The following BMAL1 variants were observed in gnomAD, a reference collection of about 807,000 sequenced individuals.
BMAL1 encodes the protein basic helix-loop-helix ARNT like 1.
At chr11:13,352,550 C>T in the BMAL1 span, among the ~76,000 whole-genome samples, 2 of 152,274 alleles carry the variant, frequency 1.3e-5, no homozygotes, top group African/African-American at 2.4e-5. Flanking sequence ...AAATTATTGT[C>T]GCTTTTCTGG....
chr11:13,348,853 CT>C, the BMAL1 span, among the ~76,000 whole-genome samples: 1 of 152,204 alleles, frequency 6.6e-6, no homozygotes, highest in African/African-American at 2.4e-5. Context: ...ATTTGGAGAT[CT>C]CTATAGCGAT....
chr11:13,376,004 CT>C, the BMAL1 span, among the ~76,000 whole-genome samples: 1 of 152,218 alleles, frequency 6.6e-6, no homozygotes, highest in Non-Finnish European at 1.5e-5. Context: ...GCAACATTTC[CT>C]TCCAGATAAA....
the BMAL1 span, chr11:13,350,121 T>TA: frequency 1.3e-5 from 2 of 152,330 alleles, no homozygotes; most frequent in South Asian, 4.1e-4. Flanking sequence ...TGATTCTTGG[T>TA]AGCTTGCATG....
the BMAL1 span, among the ~76,000 whole-genome samples, chr11:13,315,064 G>T: frequency 6.6e-6 from 1 of 152,168 alleles, no homozygotes; most frequent in African/African-American, 2.4e-5. Context: ...CAAGAGTGCA[G>T]CTTTTATTTG....
At chr11:13,356,702 T>C in the BMAL1 span, 3 of 1,613,082 alleles carry the variant, frequency 1.9e-6, no homozygotes, top group Non-Finnish European at 2.5e-6. Flanking sequence ...TGTATGTCTT[T>C]ATTAACATGC....
At chr11:13,349,551 G>T in the BMAL1 span, among the ~76,000 whole-genome samples, 1 of 152,134 alleles carries the variant, frequency 6.6e-6, no homozygotes, top group African/African-American at 2.4e-5. Context: ...AAACAATAAG[G>T]ATAGAGCCTG....
the BMAL1 span, chr11:13,379,600 A>G: frequency 6.6e-6 from 1 of 152,230 alleles, no homozygotes; most frequent in African/African-American, 2.4e-5. Context: ...GAATTTTAAA[A>G]TCTTTTATAA....
At chr11:13,332,924 G>T in the BMAL1 span, among the ~76,000 whole-genome samples, 1 of 151,436 alleles carries the variant, frequency 6.6e-6, no homozygotes, top group East Asian at 1.9e-4. Context: ...ACTCTATATT[G>T]TGTGCCCCCA....
chr11:13,281,035 G>T, the BMAL1 span, among the ~76,000 whole-genome samples: 1 of 152,190 alleles, frequency 6.6e-6, no homozygotes, highest in African/African-American at 2.4e-5. Flanking sequence ...GGCAGTGCCT[G>T]CCTCGTGGAG....
At chr11:13,347,134 C>T in the BMAL1 span, among the ~76,000 whole-genome samples, 7 of 151,494 alleles carry the variant, frequency 4.6e-5, no homozygotes, top group Non-Finnish European at 8.8e-5. Flanking sequence ...GGCTCATGCC[C>T]ATAATCCCAA....
chr11:13,281,805 C>T, the BMAL1 span, among the ~76,000 whole-genome samples: 8 of 152,228 alleles, frequency 5.3e-5, no homozygotes, highest in African/African-American at 2.4e-5. Flanking sequence ...TCACTGTGCT[C>T]AGCCCCTTTG....
chr11:13,344,759 C>G, the BMAL1 span, among the ~76,000 whole-genome samples: 1 of 152,138 alleles, frequency 6.6e-6, no homozygotes, highest in Non-Finnish European at 1.5e-5. Flanking sequence ...CTCAGAGGCA[C>G]CACCCTCTGA....
the BMAL1 span, among the ~76,000 whole-genome samples, chr11:13,294,040 T>C: frequency 6.6e-6 from 1 of 152,224 alleles, no homozygotes; most frequent in South Asian, 2.1e-4. Context: ...AATGTTTCTA[T>C]CTTCTGGGCC....
chr11:13,326,413 G>T, the BMAL1 span: 1 of 152,218 alleles, frequency 6.6e-6, no homozygotes, highest in Non-Finnish European at 1.5e-5. Flanking sequence ...CCTTCCAAAG[G>T]TTCCGATGTC....
At chr11:13,335,036 C>T in the BMAL1 span, among the ~76,000 whole-genome samples, 1 of 152,182 alleles carries the variant, frequency 6.6e-6, no homozygotes, top group African/African-American at 2.4e-5. Flanking sequence ...CCTCGGGCAT[C>T]GACTCAGAGA....
chr11:13,381,878 G>A, the BMAL1 span, among the ~76,000 whole-genome samples: 6 of 152,264 alleles, frequency 3.9e-5, no homozygotes, highest in South Asian at 2.1e-4. Flanking sequence ...CATCTTAATC[G>A]TAAATTATAA....
chr11:13,288,265 G>A, the BMAL1 span, among the ~76,000 whole-genome samples: 2 of 152,124 alleles, frequency 1.3e-5, no homozygotes, highest in Non-Finnish European at 2.9e-5. Context: ...CTTGCCTAAA[G>A]TGACAGCTGA....
the BMAL1 span, among the ~76,000 whole-genome samples, chr11:13,295,689 G>A: frequency 6.6e-6 from 1 of 152,200 alleles, no homozygotes; most frequent in Non-Finnish European, 1.5e-5. Context: ...CAGGTGAATA[G>A]CCATGTTTTT....
chr11:13,355,005 G>GT, the BMAL1 span: 1 of 381,650 alleles, frequency 2.6e-6, no homozygotes, highest in South Asian at 6.8e-5. Flanking sequence ...TTGACTTTTC[G>GT]TTTGAGTAAG....
Sources: allele counts gnomAD v4.1 joint callset (sites outside exome capture counted in the v4.1 genomes callset), GRCh38; gene constraint gnomAD v4.1.1; transcripts MANE v1.5; gene names NCBI Gene and HGNC (gene_info 2026-07-23, HGNC 2026-07-21).